The following CDH13 variants were observed in gnomAD, a reference collection of about 807,000 sequenced individuals.
CDH13 encodes cadherin 13.
In CDH13, 24 loss-of-function variants were observed where a neutral mutation model predicts 63.8. The ratio of observed to expected loss-of-function variants is 0.38; its 90% CI spans 0.27 to 0.53. The LOEUF is 0.53. Among genes scored for constraint, CDH13 ranks in the 20% least tolerant of loss-of-function variants. The pLI is 0.85. For synonymous variants in CDH13, 503 were observed against 355.3 expected (o/e 1.42, Z -4.67); for missense variants, 1,049 against 903.1 (o/e 1.16, Z -2.07).
chr16:83,471,324 G>A (rs140089990), intron 6 of CDH13, among the ~76,000 whole-genome samples: 1 of 139,012 alleles, frequency 7.2e-6, no homozygotes, highest in Non-Finnish European at 1.5e-5. Flanking sequence ...ACCCAGGCTG[G>A]AGTGCAGTGG....
chr16:83,101,814 A>C (rs188454102), intron 3 of CDH13, among the ~76,000 whole-genome samples: 16 of 152,266 alleles, frequency 1.1e-4, no homozygotes, highest in Non-Finnish European at 2.4e-4. Context: ...TAGTGGGTAG[A>C]GTGGCCAGGA....
At chr16:83,526,793 C>A (rs1031067163) in intron 7 of CDH13, among the ~76,000 whole-genome samples, 1 of 152,184 alleles carries the variant, frequency 6.6e-6, no homozygotes, top group African/African-American at 2.4e-5. Context: ...AACAGTGAAA[C>A]TGCTGGCAAT....
At chr16:82,893,766 G>A (rs946586843) in intron 2 of CDH13, among the ~76,000 whole-genome samples, 1 of 152,128 alleles carries the variant, frequency 6.6e-6, no homozygotes, top group African/African-American at 2.4e-5. Context: ...TAGGTCAGTA[G>A]AACCTCCTCT....
intron 11 of CDH13, among the ~76,000 whole-genome samples, chr16:83,761,789 C>A (rs1250141234): frequency 6.6e-6 from 1 of 152,166 alleles, no homozygotes; most frequent in Admixed American, 6.5e-5. Flanking sequence ...GCACTATAAC[C>A]AGCAAAGTGG....
At chr16:83,553,299 C>G (rs4331329) in intron 7 of CDH13, among the ~76,000 whole-genome samples, 101,587 of 151,952 alleles carry the variant, frequency 0.67, 34,669 homozygotes, top group Non-Finnish European at 0.73. Context: ...TTTCCTGATT[C>G]AAATAAAGGA....
chr16:83,379,938 T>TATATATATAGAG, intron 6 of CDH13, among the ~76,000 whole-genome samples: 12 of 123,444 alleles, frequency 9.7e-5, no homozygotes, highest in African/African-American at 2.9e-4. Context: ...TATATATATA[T>TATATATATAGAG]AGAGAGAGAG....
intron 10 of CDH13, among the ~76,000 whole-genome samples, chr16:83,734,345 G>A (rs1182598800): frequency 1.3e-5 from 2 of 152,172 alleles, no homozygotes; most frequent in African/African-American, 4.8e-5. Flanking sequence ...GGGTGCTGCT[G>A]CAGCCAAGGA....
chr16:83,785,959 G>C (rs989743302), intron 13 of CDH13, among the ~76,000 whole-genome samples: 1 of 152,000 alleles, frequency 6.6e-6, no homozygotes, highest in African/African-American at 2.4e-5. Context: ...TGGTTCCTTC[G>C]GTTCACAACT....
intron 11 of CDH13, among the ~76,000 whole-genome samples, chr16:83,749,280 C>G (rs547893190): frequency 6.6e-6 from 1 of 152,130 alleles, no homozygotes; most frequent in Non-Finnish European, 1.5e-5. Context: ...GCCGGCTACT[C>G]ACACAAACCA....
chr16:83,587,782 T>C (rs911221784), intron 7 of CDH13, among the ~76,000 whole-genome samples: 1 of 152,150 alleles, frequency 6.6e-6, no homozygotes, highest in Non-Finnish European at 1.5e-5. Flanking sequence ...TGGTAATAAA[T>C]TGAAACCCAA....
At chr16:83,583,645 C>T (rs569173787) in intron 7 of CDH13, among the ~76,000 whole-genome samples, 4 of 152,238 alleles carry the variant, frequency 2.6e-5, no homozygotes, top group Admixed American at 2.0e-4. Flanking sequence ...TGGTGGCTCA[C>T]GCCTATAATC....
At chr16:83,224,787 A>G (rs1200442558) in intron 5 of CDH13, among the ~76,000 whole-genome samples, 2 of 152,224 alleles carry the variant, frequency 1.3e-5, no homozygotes, top group African/African-American at 4.8e-5. Context: ...AGATTACAGT[A>G]TCATCTCCTA....
intron 2 of CDH13, chr16:82,858,782 C>CTTTGCA: frequency 4.7e-6 from 2 of 424,788 alleles, no homozygotes; most frequent in Non-Finnish European, 8.3e-6. Context: ...AATTCATTTC[C>CTTTGCA]CCTGGGCAGA....
chr16:83,434,290 C>A (rs1232813803), intron 6 of CDH13, among the ~76,000 whole-genome samples: 2 of 152,158 alleles, frequency 1.3e-5, no homozygotes, highest in African/African-American at 4.8e-5. Context: ...TTGAGACCTG[C>A]GTTCTTGTCC....
intron 6 of CDH13, among the ~76,000 whole-genome samples, chr16:83,346,152 A>C (rs1378907404): frequency 6.6e-6 from 1 of 152,208 alleles, no homozygotes; most frequent in Non-Finnish European, 1.5e-5. Flanking sequence ...AATGAAAGCA[A>C]ATGCACTGCG....
At chr16:82,939,193 G>A (rs972105125) in intron 2 of CDH13, among the ~76,000 whole-genome samples, 1 of 152,168 alleles carries the variant, frequency 6.6e-6, no homozygotes, top group African/African-American at 2.4e-5. Context: ...AGAGGCTGAG[G>A]CAGATGGATC....
intron 10 of CDH13, among the ~76,000 whole-genome samples, chr16:83,695,926 G>A (rs921676981): frequency 2.1e-4 from 32 of 149,686 alleles, no homozygotes; most frequent in African/African-American, 6.2e-4. Context: ...GGGTCTGTCT[G>A]TCACCCAGGA....
chr16:83,411,933 C>A (rs2092133058), intron 6 of CDH13, among the ~76,000 whole-genome samples: 2 of 152,114 alleles, frequency 1.3e-5, no homozygotes, highest in Non-Finnish European at 2.9e-5. Flanking sequence ...ATGATAAGCG[C>A]ATAAGGAGCA....
intron 2 of CDH13, among the ~76,000 whole-genome samples, chr16:83,031,295 A>C (rs1006763589): frequency 7.0e-6 from 1 of 143,186 alleles, no homozygotes; most frequent in Non-Finnish European, 1.6e-5. Flanking sequence ...ATACATGCGC[A>C]TGTATCCATG....
Sources: gnomAD v4.1 joint callset for allele counts (sites outside exome capture counted in the v4.1 genomes callset) on GRCh38, gnomAD v4.1.1 for gene constraint, MANE v1.5 for transcripts, NCBI Gene and HGNC (gene_info 2026-07-23, HGNC 2026-07-21) for gene names.